Variants in AGAP1 observed in about 807,000 individuals in gnomAD.
The protein encoded by AGAP1 is arf-GAP with GTPase, ANK repeat and PH domain-containing protein 1.
AGAP1 carries 29 observed loss-of-function variants against 105.3 expected under a neutral mutation model. The ratio of observed to expected loss-of-function variants is 0.28; its 90% CI spans 0.21 to 0.38. The LOEUF (loss-of-function observed/expected upper bound fraction) is 0.38, where lower values mean the gene tolerates loss of function less well. Ranked by LOEUF, AGAP1 falls within the 10% of genes least tolerant of loss-of-function variation. AGAP1 has a pLI of 1.00. For missense variants in AGAP1, 998 were observed against 1,165.1 expected (o/e 0.86, Z 2.09); for synonymous variants, 509 against 485.9 (o/e 1.05, Z -0.63).
chr2:235,968,062 A>G (rs555479433), intron 12 of AGAP1, among the ~76,000 whole-genome samples: 5 of 152,216 alleles, frequency 3.3e-5, no homozygotes, highest in African/African-American at 1.2e-4. Context: ...ACTTAAGATG[A>G]TATTTCCAAA....
At position 235,938,718 on chromosome 2, in the gene AGAP1, G is replaced by A. The variant is rs138436736; in HGVS notation, c.1483+7795G>A. ...CTCACTGGGCTCCGAGGATCCTTTC[G>A]GGGGCCACATTTTGAGAAAGACATC... On this transcript the variant is annotated intron_variant, in intron 12 of 17. Transcript: ENST00000304032. Among the ~76,000 whole-genome samples the A allele has an allele frequency of 9.5e-4, 144 of 152,136 alleles. 1 individual carries two copies. In the Middle Eastern group the frequency reaches 0.02, roughly 22 times the overall value.
At chr2:235,544,577 C>T (rs1405440607) in intron 1 of AGAP1, among the ~76,000 whole-genome samples, 2 of 152,200 alleles carry the variant, frequency 1.3e-5, no homozygotes, top group African/African-American at 4.8e-5. Flanking sequence ...CTCTATTATG[C>T]ACGAAGTCAT....
At chr2:235,828,271 G>A (rs1041608758) in intron 9 of AGAP1, among the ~76,000 whole-genome samples, 4 of 152,160 alleles carry the variant, frequency 2.6e-5, no homozygotes, top group African/African-American at 9.7e-5. Flanking sequence ...TGGAACATAA[G>A]CACCCCATGT....
At position 235,621,896 on chromosome 2, in the gene AGAP1, C is replaced by G. The variant is rs574636707; in HGVS notation, c.164-87283C>G. 7.9e-6 allele frequency among the ~76,000 whole-genome samples: 1 copy of G among 126,264 alleles called. No individual in the cohort carries two copies. The highest frequency in any genetic ancestry group is 1.8e-5 in the Non-Finnish European group (1 of 54,336). The allele number at this position is 126,264 out of a possible 152,430, so 82.8% of individuals were successfully genotyped here. A position where few individuals can be genotyped will look rare whatever the true frequency, so the allele number is the denominator to read the frequency against. ...GGGGTGCGATCGGAAGGGAGTGCCG[C>G]GCAGACCCCCCCACCCCCTCAGAAC... On this transcript the variant is annotated intron_variant, in intron 1 of 17. Transcript: ENST00000304032. The surrounding 1 kb of genome is among the most constrained non-coding windows in gnomAD (Gnocchi z 4.1).
intron 1 of AGAP1, among the ~76,000 whole-genome samples, chr2:235,688,057 A>G (rs1334761305): frequency 6.6e-6 from 1 of 151,804 alleles, no homozygotes; most frequent in African/African-American, 2.4e-5. Flanking sequence ...ACGCACCACC[A>G]TACCCAGCTA....
rs1945544239 is a variant in AGAP1 at position 235,596,919 on chromosome 2, ACAT to A, written c.163+102074_163+102076del. 1.3e-5 allele frequency among the ~76,000 whole-genome samples: 2 copies of A among 152,306 alleles called. No homozygotes were observed. The highest frequency in any genetic ancestry group is 4.8e-5 in the African/African-American group (2 of 41,598). On this transcript the variant is annotated intron_variant, in intron 1 of 17. Transcript: ENST00000304032. The surrounding 1 kb of genome is among the most constrained non-coding windows in gnomAD (Gnocchi z 5.9). ...AGCGCTTGCTCTGTACCCTATGAGG[ACAT>A]CATGAGGAGATATGGCTTCTGCAGG...
In AGAP1 at chr2:235,865,817, C is replaced by T. The variant is rs1453185635; in HGVS notation, c.1051-17528C>T. Among the ~76,000 whole-genome samples, 2 of 152,152 alleles carry T rather than the reference C, an allele frequency of 1.3e-5. No individual in the cohort carries two copies. The highest frequency in any genetic ancestry group is 2.4e-5 in the African/African-American group (1 of 41,418). ...TGCTGGTCACATTTTCTAGTCATCT[C>T]CTTTTACCAAAATTTACCTCCCAGC... On this transcript the variant is annotated intron_variant, in intron 9 of 17. Transcript: ENST00000304032. This position sits in a 1 kb window ranked among gnomAD's most constrained non-coding sequence, Gnocchi z 6.2.
rs138322107 is a variant in AGAP1 at position 235,989,501 on chromosome 2, C to T, written c.1645+20878C>T. ...GAGCTGGGCTGGAGGAGGGTTTGCC[C>T]TAGGGAGGCAGCCCCAGGCAGGGCC... On this transcript the variant is annotated intron_variant, in intron 13 of 17. Transcript: ENST00000304032. This position sits in a 1 kb window ranked among gnomAD's most constrained non-coding sequence, Gnocchi z 4.4. 5.4e-3 allele frequency among the ~76,000 whole-genome samples: 820 copies of T among 152,154 alleles called. 4 individuals are homozygous for T. The highest frequency in any genetic ancestry group is 0.019 in the African/African-American group (772 of 41,518).
intron 6 of AGAP1, among the ~76,000 whole-genome samples, chr2:235,782,697 C>T (rs1415831372): frequency 6.6e-6 from 1 of 152,140 alleles, no homozygotes; most frequent in African/African-American, 2.4e-5. Context: ...AGTGGGAGAA[C>T]GCTGAAGCCC....
chr2:236,102,585 T>C (rs923457489), intron 16 of AGAP1, among the ~76,000 whole-genome samples: 2 of 134,560 alleles, frequency 1.5e-5, no homozygotes, highest in African/African-American at 5.3e-5. Context: ...GAGAGACTGT[T>C]AAAAAAAAAA....
intron 9 of AGAP1, among the ~76,000 whole-genome samples, chr2:235,819,404 T>A (rs62190880): frequency 6.6e-6 from 1 of 151,996 alleles, no homozygotes; most frequent in Non-Finnish European, 1.5e-5. Flanking sequence ...CGTGAGCCAC[T>A]GCGCCTGGCA....
intron 9 of AGAP1, among the ~76,000 whole-genome samples, chr2:235,852,529 G>A (rs1575615986): frequency 6.6e-6 from 1 of 152,242 alleles, no homozygotes; most frequent in East Asian, 1.9e-4. Context: ...GTGTGTATGT[G>A]TGCGAGAGAA....
chr2:235,950,053 T>C (rs1399502782), intron 12 of AGAP1, among the ~76,000 whole-genome samples: 1 of 152,038 alleles, frequency 6.6e-6, no homozygotes, highest in Non-Finnish European at 1.5e-5. Context: ...TGGGAGATGC[T>C]TGGGCACAGA....
At chr2:235,938,865 A>G (rs978228005) in intron 12 of AGAP1, among the ~76,000 whole-genome samples, 1 of 152,110 alleles carries the variant, frequency 6.6e-6, no homozygotes, top group Middle Eastern at 3.2e-3. Flanking sequence ...GGCGTCGTCC[A>G]ATGGCTGCCC....
chr2:235,590,716 T>TG (rs1491557940), intron 1 of AGAP1, among the ~76,000 whole-genome samples: 1 of 32,780 alleles, frequency 3.1e-5, no homozygotes, highest in African/African-American at 2.3e-4. Flanking sequence ...TGTGTGTGCA[T>TG]TTTTTTTTTT....
intron 1 of AGAP1, among the ~76,000 whole-genome samples, chr2:235,581,134 CAAAAAAAAAAAAAAA>C (rs60330965): frequency 1.1e-5 from 1 of 88,284 alleles, no homozygotes; most frequent in Admixed American, 1.2e-4. Context: ...CCATCTCAAG[CAAAAAAAAAAAAAAA>C]AAAAAAAAAA....
At position 235,992,758 on chromosome 2, in the gene AGAP1, G is replaced by T. The variant is rs1282646709; in HGVS notation, c.1645+24135G>T. Among the ~76,000 whole-genome samples, 1 of 152,202 alleles carries T rather than the reference G, an allele frequency of 6.6e-6. No homozygotes were observed. The highest frequency in any genetic ancestry group is 2.4e-5 in the African/African-American group (1 of 41,460). ...CACCTGGGGATGCGTCGTGGGCGCCGAGGAGAGCGTAGCCTCCTGTTAACG... is the reference window on the plus strand; with the variant it reads ...CACCTGGGGATGCGTCGTGGGCGCCTAGGAGAGCGTAGCCTCCTGTTAACG... On this transcript the variant is annotated intron_variant, in intron 13 of 17. Transcript: ENST00000304032. The surrounding 1 kb of genome is among the most constrained non-coding windows in gnomAD (Gnocchi z 4.8).
chr2:235,792,718 C>A lies in AGAP1; in HGVS notation c.674-5041C>A, dbSNP rs138150572. Among the ~76,000 whole-genome samples, 1 of 152,124 alleles carries A rather than the reference C, an allele frequency of 6.6e-6. No homozygotes were observed. The highest frequency in any genetic ancestry group is 1.5e-5 in the Non-Finnish European group (1 of 68,032). Reference sequence around the variant, plus strand: ...GCCATCGACTGAGCTAGAAAACAGACGAGAGGCAGGTCTGAGAGAGGCTAG... The same window carrying A: ...GCCATCGACTGAGCTAGAAAACAGAAGAGAGGCAGGTCTGAGAGAGGCTAG... On this transcript the variant is annotated intron_variant, in intron 6 of 17. Coordinates refer to ENST00000304032, the MANE Select transcript of AGAP1 (RefSeq NM_001037131.3). This position sits in a 1 kb window ranked among gnomAD's most constrained non-coding sequence, Gnocchi z 5.3.
chr2:236,021,573 C>A (rs1055764837), intron 13 of AGAP1, among the ~76,000 whole-genome samples: 1 of 152,188 alleles, frequency 6.6e-6, no homozygotes, highest in African/African-American at 2.4e-5. Flanking sequence ...AATCACCGCA[C>A]GTGCCTATCG....
Sources: gnomAD v4.1 joint callset for allele counts (sites outside exome capture counted in the v4.1 genomes callset) on GRCh38, gnomAD v4.1.1 for gene constraint, Gnocchi (gnomAD v3.1) non-coding constraint, MANE v1.5 for transcripts, NCBI Gene and HGNC (gene_info 2026-07-23, HGNC 2026-07-21) for gene names.